Variants in INSL6 observed in about 807,000 individuals in gnomAD.
INSL6 encodes insulin like 6.
A neutral mutation model predicts 9.4 loss-of-function variants in INSL6; 16 were observed. The observed-to-expected ratio is 1.70, with a 90% CI of 1.15 to 2.59. The LOEUF (loss-of-function observed/expected upper bound fraction) is 2.59. Ranked by LOEUF, INSL6 falls within the 30% of genes most tolerant of loss-of-function variation. The probability of loss-of-function intolerance (pLI) is 0.00; values close to 1 mark genes in which losing one functional copy is unlikely to be tolerated. For synonymous variants in INSL6, 154 were observed against 96.9 expected, an observed-to-expected ratio of 1.59 and a Z score of -3.46; for missense variants, 391 against 257.3, an observed-to-expected ratio of 1.52 and a Z score of -3.56.
At chr9:5,090,534 C>A in the INSL6 span, 5 of 1,596,732 alleles carry the variant, frequency 3.1e-6, no homozygotes, top group Non-Finnish European at 4.3e-6. Flanking sequence ...GGATAGATCA[C>A]ATAAAACTTC....
chr9:4,994,924 C>A, the INSL6 span, among the ~76,000 whole-genome samples: 1 of 149,332 alleles, frequency 6.7e-6, no homozygotes, highest in African/African-American at 2.6e-5. Flanking sequence ...TAGTAAATAT[C>A]TTTGTACATT....
chr9:5,017,050 C>T, the INSL6 span, among the ~76,000 whole-genome samples: 1 of 152,244 alleles, frequency 6.6e-6, no homozygotes, highest in Non-Finnish European at 1.5e-5. Context: ...GCTGCTAATG[C>T]AAACAAGTTT....
intron 2 of INSL6, among the ~76,000 whole-genome samples, chr9:5,135,207 G>C (rs1824368591): frequency 6.6e-6 from 1 of 152,092 alleles, no homozygotes; most frequent in Non-Finnish European, 1.5e-5. Flanking sequence ...GACGTACAAA[G>C]AGACTTACAC....
In INSL6 at chr9:5,163,939, A is replaced by C; in HGVS notation, c.616T>G (p.Ser206Ala). The C allele has an allele frequency of 6.2e-7, 1 of 1,604,812 alleles. No individual in the cohort carries two copies. The highest frequency in any genetic ancestry group is 8.5e-7 in the Non-Finnish European group (1 of 1,177,118). The change falls in exon 2 of 2, where the codon TCA becomes GCA. Residue 206 changes from serine to alanine, a missense_variant. By Grantham distance (99) the Ser-to-Ala change is moderately conservative (BLOSUM62 1). Coordinates refer to ENST00000381641, the MANE Select transcript of INSL6 (RefSeq NM_007179.3). Reference sequence around the variant, plus strand: ...TAGTATATCTTAGTTACAAGTGATGATCTTTTTTCCTTTAGCCTTTTAAAA... The same window carrying C: ...TAGTATATCTTAGTTACAAGTGATGCTCTTTTTTCCTTTAGCCTTTTAAAA... ...IDFKRLKEKR[S>A]SLVTKIY
chr9:5,003,024 C>G, the INSL6 span, among the ~76,000 whole-genome samples: 1 of 151,974 alleles, frequency 6.6e-6, no homozygotes, highest in Non-Finnish European at 1.5e-5. Context: ...AATGGCACAT[C>G]TGTTCCAAAT....
the INSL6 span, among the ~76,000 whole-genome samples, chr9:5,010,275 T>C: frequency 2.6e-5 from 4 of 152,182 alleles, no homozygotes; most frequent in Non-Finnish European, 4.4e-5. Context: ...TTTATATCTA[T>C]TTTAAGCCCT....
chr9:5,105,530 C>A, the INSL6 span, among the ~76,000 whole-genome samples: 2 of 152,174 alleles, frequency 1.3e-5, no homozygotes, highest in East Asian at 1.9e-4. Flanking sequence ...CATCAAGCTA[C>A]CAATGACTTT....
chr9:5,041,245 C>A, the INSL6 span: 14 of 1,458,178 alleles, frequency 9.6e-6, no homozygotes, highest in Non-Finnish European at 1.1e-5. Context: ...AGCGGCAGCA[C>A]GCCATCCACA....
chr9:5,050,903 T>C, the INSL6 span: 1 of 1,300,376 alleles, frequency 7.7e-7, no homozygotes, highest in Non-Finnish European at 1.1e-6. Flanking sequence ...ATATTTTCTG[T>C]GTTTACCCAT....
the INSL6 span, chr9:5,041,616 A>T: frequency 2.0e-6 from 1 of 496,036 alleles, no homozygotes; most frequent in Non-Finnish European, 4.0e-6. Flanking sequence ...CTGTGACTAC[A>T]TGCGGCGCCT....
At chr9:5,002,722 G>T in the INSL6 span, among the ~76,000 whole-genome samples, 2 of 151,790 alleles carry the variant, frequency 1.3e-5, no homozygotes, top group Admixed American at 6.6e-5. Flanking sequence ...AATGAGTATT[G>T]AAATTTTTAG....
chr9:5,175,426 A>G (rs948235857), intron 1 of INSL6, among the ~76,000 whole-genome samples: 1 of 152,118 alleles, frequency 6.6e-6, no homozygotes, highest in African/African-American at 2.4e-5. Flanking sequence ...AGAGTGATCC[A>G]TTTAAAATGT....
chr9:5,003,106 C>G, the INSL6 span, among the ~76,000 whole-genome samples: 1 of 151,858 alleles, frequency 6.6e-6, no homozygotes, highest in African/African-American at 2.4e-5. Flanking sequence ...CATTTTTGTG[C>G]TAATACCAAT....
the INSL6 span, among the ~76,000 whole-genome samples, chr9:5,013,658 ATTCTAT>A: frequency 6.6e-6 from 1 of 152,152 alleles, no homozygotes; most frequent in African/African-American, 2.4e-5. Flanking sequence ...ACTTGTCAAA[ATTCTAT>A]TTTCCTTTTA....
chr9:5,101,247 C>G, the INSL6 span, among the ~76,000 whole-genome samples: 1 of 152,246 alleles, frequency 6.6e-6, no homozygotes, highest in African/African-American at 2.4e-5. Flanking sequence ...TCTGGCTTGG[C>G]AGGTCCCACA....
chr9:5,164,076 T>C lies in INSL6; in HGVS notation c.479A>G (p.Asn160Ser), dbSNP rs145774751. ...KRRNKIKTLS[N>S]LFWGHHPQRK... ...TTGGGGATGATGCCCCCAAAACAAA[T>C]TGCTTAAGGTTTTAATTTTGTTTCT... The change falls in exon 2 of 2, where the codon AAT becomes AGT. Residue 160 changes from asparagine (N) to serine (S), a missense_variant. Asn to Ser is a conservative substitution (Grantham distance 46, BLOSUM62 1). Transcript: ENST00000381641. 11 of 1,613,442 alleles carry C rather than the reference T, an allele frequency of 6.8e-6. No homozygotes were observed. In the African/African-American group the frequency reaches 9.3e-5, roughly 14 times the overall value.
At chr9:5,018,244 C>G in the INSL6 span, among the ~76,000 whole-genome samples, 48 of 152,074 alleles carry the variant, frequency 3.2e-4, no homozygotes, top group African/African-American at 1.1e-3. Context: ...TGAATCCTTT[C>G]TTGTCTGTGT....
chr9:5,082,875 G>A, the INSL6 span, among the ~76,000 whole-genome samples: 3 of 152,236 alleles, frequency 2.0e-5, no homozygotes, highest in African/African-American at 7.2e-5. Flanking sequence ...TTGGGGCAAA[G>A]TTACAGATTA....
At chr9:5,044,563 A>G in the INSL6 span, 2 of 1,211,386 alleles carry the variant, frequency 1.7e-6, no homozygotes, top group Non-Finnish European at 2.4e-6. Context: ...TAAATGATAA[A>G]TATCTTGCTG....
Sources: allele counts gnomAD v4.1 joint callset (sites outside exome capture counted in the v4.1 genomes callset), GRCh38; gene constraint gnomAD v4.1.1; transcripts MANE v1.5; gene names NCBI Gene and HGNC (gene_info 2026-07-23, HGNC 2026-07-21).